DSCAM: variants seen among roughly 807,000 people sequenced by gnomAD.
DSCAM encodes the protein DS cell adhesion molecule, also known as cell adhesion molecule DSCAM.
DSCAM carries 47 observed loss-of-function variants against 217.7 expected under a neutral mutation model. That is an observed-to-expected ratio of 0.22 (90% CI 0.17 to 0.28). The LOEUF is 0.28. DSCAM is among the 10% of genes least tolerant of loss of function. DSCAM has a pLI of 1.00. For missense variants in DSCAM, 2,080 were observed against 2,618.3 expected (o/e 0.79, Z 4.49); for synonymous variants, 1,056 against 1,015.3 (o/e 1.04, Z -0.76).
rs141929500 is a variant in DSCAM, at chr21:40,822,425, C to T, written c.43+24194G>A. 1.5e-4 allele frequency among the ~76,000 whole-genome samples: 21 copies of T among 144,250 alleles called. No individual in the cohort carries two copies. The East Asian group carries it at 4.3e-3, about 30-fold the overall frequency. 94.6% of individuals were successfully genotyped at this position (144,250 alleles called of 152,430 possible). A position where few individuals can be genotyped will look rare whatever the true frequency, so the allele number is the denominator to read the frequency against. ...TCAGTTTGTCTCCTTGTTTTATTAG[C>T]TTATATTACCTCTGTTTTTTTTTAA... On this transcript the variant is annotated intron_variant, in intron 1 of 32. Coordinates refer to ENST00000400454, the MANE Select transcript of DSCAM (RefSeq NM_001389.5).
intron 8 of DSCAM, among the ~76,000 whole-genome samples, chr21:40,330,362 T>C (rs908327932): frequency 3.7e-4 from 54 of 144,884 alleles, no homozygotes; most frequent in Non-Finnish European, 7.0e-4. Context: ...TAATAAATTA[T>C]GCATATATTT....
intron 8 of DSCAM, among the ~76,000 whole-genome samples, chr21:40,322,155 G>T (rs557649960): frequency 5.9e-5 from 9 of 151,994 alleles, no homozygotes; most frequent in Non-Finnish European, 1.2e-4. Flanking sequence ...GTTCTCCTGC[G>T]CCAGGTGTCA....
At chr21:40,112,901 C>A (rs1248268000) in intron 20 of DSCAM, among the ~76,000 whole-genome samples, 3 of 152,064 alleles carry the variant, frequency 2.0e-5, no homozygotes, top group Non-Finnish European at 4.4e-5. Context: ...CAATAAGAGG[C>A]TCTGAAATTG....
chr21:40,718,814 A>T (rs1486469831), intron 1 of DSCAM, among the ~76,000 whole-genome samples: 1 of 152,174 alleles, frequency 6.6e-6, no homozygotes, highest in African/African-American at 2.4e-5. Context: ...CACCAATATA[A>T]AAAGATAGTC....
intron 11 of DSCAM, among the ~76,000 whole-genome samples, chr21:40,213,887 G>A (rs557749810): frequency 1.5e-4 from 23 of 152,298 alleles, no homozygotes; most frequent in South Asian, 1.0e-3. Flanking sequence ...AGAACCCCTG[G>A]GTCCCTCATC....
chr21:40,225,642 A>T (rs2091325971), intron 11 of DSCAM, among the ~76,000 whole-genome samples: 2 of 152,076 alleles, frequency 1.3e-5, no homozygotes, highest in African/African-American at 4.8e-5. Flanking sequence ...GATAGTGCAG[A>T]CCTTGTTGAT....
At chr21:40,593,851 C>T (rs946160636) in intron 3 of DSCAM, among the ~76,000 whole-genome samples, 1 of 152,186 alleles carries the variant, frequency 6.6e-6, no homozygotes, top group Non-Finnish European at 1.5e-5. Flanking sequence ...GTCAGACTTA[C>T]ATCTTAAATA....
At chr21:40,742,512 T>C (rs758961238) in intron 1 of DSCAM, among the ~76,000 whole-genome samples, 5 of 152,232 alleles carry the variant, frequency 3.3e-5, no homozygotes, top group Admixed American at 6.5e-5. Context: ...GTGAAAGTGA[T>C]TTTGTACTTC....
rs576511611 is a variant in DSCAM, at chr21:40,094,951, T to C, written c.3697-1077A>G. On this transcript the variant is annotated intron_variant, in intron 20 of 32. Transcript: ENST00000400454. ...AAATATGTGTCACCTGATGACTGGATAAACATAATATGTCACAGCGATACC... is the reference window on the plus strand; with the variant it reads ...AAATATGTGTCACCTGATGACTGGACAAACATAATATGTCACAGCGATACC... 2.6e-5 allele frequency among the ~76,000 whole-genome samples: 4 copies of C among 152,296 alleles called. No individual in the cohort carries two copies. In the South Asian group the frequency reaches 8.3e-4, roughly 32 times the overall value.
chr21:40,767,470 T>G (rs1818768640), intron 1 of DSCAM, among the ~76,000 whole-genome samples: 1 of 152,192 alleles, frequency 6.6e-6, no homozygotes, highest in Non-Finnish European at 1.5e-5. Flanking sequence ...CACCTTCGCC[T>G]GATGCCCATT....
intron 3 of DSCAM, among the ~76,000 whole-genome samples, chr21:40,548,579 A>G (rs2076603913): frequency 6.6e-6 from 1 of 151,976 alleles, no homozygotes; most frequent in African/African-American, 2.4e-5. Flanking sequence ...TTATCAGAGA[A>G]AGATCTCAAT....
At chr21:40,698,352 G>A (rs1257315527) in intron 2 of DSCAM, among the ~76,000 whole-genome samples, 5 of 152,172 alleles carry the variant, frequency 3.3e-5, no homozygotes, top group Non-Finnish European at 5.9e-5. Flanking sequence ...CCATAAAAGG[G>A]AAGAAAGTTT....
chr21:40,780,831 C>CTA (rs1255155612), intron 1 of DSCAM, among the ~76,000 whole-genome samples: 4 of 152,068 alleles, frequency 2.6e-5, no homozygotes, highest in African/African-American at 9.7e-5. Flanking sequence ...GTTGAAGCCA[C>CTA]TAGTCTGAAG....
chr21:40,658,402 A>G (rs1339724521), intron 3 of DSCAM, among the ~76,000 whole-genome samples: 2 of 152,194 alleles, frequency 1.3e-5, no homozygotes, highest in Non-Finnish European at 2.9e-5. Context: ...TCATGGCTTA[A>G]AAATTAGCTA....
chr21:40,188,241 G>A (rs565889147), intron 12 of DSCAM, among the ~76,000 whole-genome samples: 3 of 152,250 alleles, frequency 2.0e-5, no homozygotes, highest in South Asian at 4.1e-4. Flanking sequence ...TAGGATTCAC[G>A]TACATTATCC....
At chr21:40,408,638 T>G (rs2075298314) in intron 3 of DSCAM, among the ~76,000 whole-genome samples, 1 of 152,198 alleles carries the variant, frequency 6.6e-6, no homozygotes, top group Non-Finnish European at 1.5e-5. Context: ...AGTTACATCA[T>G]TTATGGATAT....
At chr21:40,555,847 G>T (rs942099889) in intron 3 of DSCAM, among the ~76,000 whole-genome samples, 10 of 152,108 alleles carry the variant, frequency 6.6e-5, no homozygotes, top group African/African-American at 2.4e-4. Context: ...ATGTTGTCCT[G>T]ACTGGTCTTG....
intron 3 of DSCAM, among the ~76,000 whole-genome samples, chr21:40,545,695 G>A (rs763077941): frequency 2.6e-5 from 4 of 152,200 alleles, no homozygotes; most frequent in Non-Finnish European, 4.4e-5. Context: ...CACCATCCCA[G>A]CACACTGCAG....
chr21:40,369,385 C>CGGGTGT, intron 3 of DSCAM, 140 bp from the exon 4 acceptor site: 1 of 376,368 alleles, frequency 2.7e-6, no homozygotes, highest in East Asian at 5.0e-5. Flanking sequence ...CGTGCGTCTG[C>CGGGTGT]GTGTGTGTGT....
Sources: gnomAD v4.1 joint callset for allele counts (sites outside exome capture counted in the v4.1 genomes callset) on GRCh38, gnomAD v4.1.1 for gene constraint, MANE v1.5 for transcripts, NCBI Gene and HGNC (gene_info 2026-07-23, HGNC 2026-07-21) for gene names.